Variants in PRKCZ observed in about 807,000 individuals in gnomAD.
The protein encoded by PRKCZ is protein kinase C zeta type.
In PRKCZ, 33 loss-of-function variants were observed where a neutral mutation model predicts 79.5. The ratio of observed to expected loss-of-function variants is 0.41; its 90% CI spans 0.31 to 0.55. The LOEUF (loss-of-function observed/expected upper bound fraction) is 0.55. PRKCZ is among the 20% of genes least tolerant of loss of function. PRKCZ has a pLI of 0.19. For synonymous variants in PRKCZ, 342 were observed against 320.9 expected (o/e 1.07, Z -0.70); for missense variants, 578 against 813.5 (o/e 0.71, Z 3.52).
chr1:2,174,028 G>A lies in PRKCZ; in HGVS notation c.1405+12G>A, dbSNP rs763184689. 65 of 1,591,882 alleles carry A rather than the reference G, an allele frequency of 4.1e-5. No individual in the cohort carries two copies. The East Asian group carries it at 4.6e-4, about 11-fold the overall frequency. On this transcript the variant is annotated intron_variant, in intron 14 of 17. Transcript: ENST00000378567. The surrounding 1 kb of genome is among the most constrained non-coding windows in gnomAD (Gnocchi z 6.2). ...CTACCTTTTCCAAGGTGCGTGCCCC[G>A]CTGTGCGTTCGTACCCCTCACCTGC...
At chr1:2,076,862 C>T (rs1290502763) in intron 4 of PRKCZ, among the ~76,000 whole-genome samples, 1 of 152,200 alleles carries the variant, frequency 6.6e-6, no homozygotes, top group Admixed American at 6.5e-5. Flanking sequence ...ACAGGAGACG[C>T]TGTGGCAGAG....
At chr1:2,085,413 G>T (rs1349339184) in intron 4 of PRKCZ, among the ~76,000 whole-genome samples, 1 of 152,244 alleles carries the variant, frequency 6.6e-6, no homozygotes, top group Non-Finnish European at 1.5e-5. Context: ...TCCGCAGCCC[G>T]CCAGATACCA....
In PRKCZ at chr1:2,060,574, C is replaced by T. The variant is rs531880779; in HGVS notation, c.334+983C>T. On this transcript the variant is annotated intron_variant, in intron 4 of 17. Transcript: ENST00000378567. ...TTAGCGTAGGGGAGGCCCCAGGAGCCATGGGATTTCCATGATCTGCCCGGG... is the reference window on the plus strand; with the variant it reads ...TTAGCGTAGGGGAGGCCCCAGGAGCTATGGGATTTCCATGATCTGCCCGGG... Among the ~76,000 whole-genome samples, 6 of 152,284 alleles carry T rather than the reference C, an allele frequency of 3.9e-5. No homozygotes were observed. The East Asian group carries it at 1.2e-3, about 29-fold the overall frequency.
chr1:2,181,063 C>G (rs1388559303), intron 16 of PRKCZ, among the ~76,000 whole-genome samples: 2 of 151,618 alleles, frequency 1.3e-5, no homozygotes, highest in East Asian at 3.9e-4. Flanking sequence ...CCTAGCCCAG[C>G]CCCCCAGCCC....
intron 4 of PRKCZ, among the ~76,000 whole-genome samples, chr1:2,133,000 G>A (rs927228950): frequency 3.9e-5 from 6 of 152,208 alleles, no homozygotes; most frequent in Admixed American, 2.6e-4. Flanking sequence ...AGTTCGTCCC[G>A]GCGGGGACTG....
intron 5 of PRKCZ, among the ~76,000 whole-genome samples, chr1:2,138,933 A>T (rs1241310858): frequency 6.6e-6 from 1 of 152,216 alleles, no homozygotes; most frequent in Non-Finnish European, 1.5e-5. Flanking sequence ...AATAAATAAA[A>T]AGAAGAAACC....
Position 2,082,786 on chromosome 1 carries a change from C to G in PRKCZ, c.334+23195C>G, listed in dbSNP as rs1322547320. Among the ~76,000 whole-genome samples the G allele has an allele frequency of 6.6e-6, 1 of 151,916 alleles. No individual in the cohort carries two copies. Among genetic ancestry groups the G allele is most frequent in the African/African-American group, 2.4e-5 (1 of 41,372 alleles). On this transcript the variant is annotated intron_variant, in intron 4 of 17. Coordinates refer to ENST00000378567, the MANE Select transcript of PRKCZ (RefSeq NM_002744.6). The surrounding 1 kb of genome is among the most constrained non-coding windows in gnomAD (Gnocchi z 4.4). ...GGGGGTGGCTTTGAGGACACCTGTC[C>G]TCCTTCACAGGGGCACTCCGGATGT...
chr1:2,059,932 G>C (rs978491209), intron 4 of PRKCZ, among the ~76,000 whole-genome samples: 1 of 152,216 alleles, frequency 6.6e-6, no homozygotes, highest in South Asian at 2.1e-4. Context: ...TAGGCCAGTC[G>C]TCTGCTCCTC....
intron 4 of PRKCZ, among the ~76,000 whole-genome samples, chr1:2,092,160 C>T (rs555957659): frequency 1.3e-5 from 2 of 152,344 alleles, no homozygotes; most frequent in South Asian, 2.1e-4. Flanking sequence ...GCTCCGGCCC[C>T]GTCCATCCAG....
chr1:2,145,982 G>A (rs543331754), intron 6 of PRKCZ, 45 bp from the exon 7 acceptor site: 4 of 1,516,262 alleles, frequency 2.6e-6, no homozygotes, highest in Non-Finnish European at 1.8e-6. Flanking sequence ...TGTAACACCT[G>A]CTCTAGCACT....
intron 16 of PRKCZ, among the ~76,000 whole-genome samples, chr1:2,183,257 A>C (rs1572064467): frequency 1.3e-5 from 2 of 151,882 alleles, no homozygotes; most frequent in Middle Eastern, 3.4e-3. Flanking sequence ...TTAGCTGGGC[A>C]TGGTGGTGCA....
At chr1:2,131,196 ATG>A (rs1349930963) in intron 4 of PRKCZ, among the ~76,000 whole-genome samples, 3 of 152,184 alleles carry the variant, frequency 2.0e-5, no homozygotes, top group Non-Finnish European at 4.4e-5. Context: ...CGGGTGCCAC[ATG>A]TGTCCTGCCT....
chr1:2,091,704 C>T (rs574700718), intron 4 of PRKCZ, among the ~76,000 whole-genome samples: 49 of 152,210 alleles, frequency 3.2e-4, no homozygotes, highest in African/African-American at 9.6e-4. Flanking sequence ...TTGAGTTCCT[C>T]GTTTCTGTGG....
chr1:2,050,643 A>G lies in PRKCZ; in HGVS notation c.13A>G (p.Thr5Ala). 1 of 1,225,258 alleles carries G rather than the reference A, an allele frequency of 8.2e-7. No homozygotes were observed. The allele number at this position is 1,225,258 out of a possible 1,614,324, so 75.9% of individuals were successfully genotyped here. Residue 5 changes from threonine (T) to alanine (A), a missense_variant, in exon 1 of 18, where the codon ACC (threonine) becomes GCC (alanine). Thr to Ala is a moderately conservative substitution (Grantham distance 58). Coordinates refer to ENST00000378567, the MANE Select transcript of PRKCZ (RefSeq NM_002744.6). ...GGGGGAGCGCGCCATGCCCAGCAGG[A>G]CCGGCCCCAAGATGGAAGGGAGCGG... is the stretch of plus-strand genomic sequence containing the variant. MPSR[T>A]GPKMEGSGGR... is the part of the protein sequence containing the mutation.
At chr1:2,153,764 G>A (rs1394290476) in intron 9 of PRKCZ, among the ~76,000 whole-genome samples, 1 of 152,244 alleles carries the variant, frequency 6.6e-6, no homozygotes, top group Non-Finnish European at 1.5e-5. Flanking sequence ...CTGCGGTTTT[G>A]TTCTGTCTTG....
chr1:2,066,372 G>T (rs75073141), intron 4 of PRKCZ, among the ~76,000 whole-genome samples: 1 of 149,450 alleles, frequency 6.7e-6, no homozygotes, highest in South Asian at 2.2e-4. Context: ...CTCTCTCTCT[G>T]TCTGTCTCTC....
At chr1:2,160,894 T>G (rs1300903839) in intron 10 of PRKCZ, among the ~76,000 whole-genome samples, 4 of 151,458 alleles carry the variant, frequency 2.6e-5, no homozygotes, top group African/African-American at 4.9e-5. Context: ...GAGAAAGAGG[T>G]GAGGGTGTGA....
At chr1:2,072,106 G>C (rs769391191) in intron 4 of PRKCZ, among the ~76,000 whole-genome samples, 1 of 152,236 alleles carries the variant, frequency 6.6e-6, no homozygotes, top group Non-Finnish European at 1.5e-5. Flanking sequence ...CGAGTGAAAC[G>C]CATGTGTTAG....
chr1:2,065,532 A>G (rs890097682), intron 4 of PRKCZ, among the ~76,000 whole-genome samples: 1 of 152,114 alleles, frequency 6.6e-6, no homozygotes, highest in Non-Finnish European at 1.5e-5. Context: ...ACAAAAAATT[A>G]TCCGGGCGTG....
Sources: gnomAD v4.1 joint callset for allele counts (sites outside exome capture counted in the v4.1 genomes callset) on GRCh38, gnomAD v4.1.1 for gene constraint, Gnocchi (gnomAD v3.1) non-coding constraint, MANE v1.5 for transcripts, NCBI Gene and HGNC (gene_info 2026-07-23, HGNC 2026-07-21) for gene names.